The following RAB31 variants were observed in gnomAD, a reference collection of about 807,000 sequenced individuals.
RAB31 encodes RAB31, member RAS oncogene family.
Under a neutral mutation model 25.6 loss-of-function variants are expected in RAB31, and 21 were observed. The observed-to-expected ratio is 0.82, with a 90% confidence interval of 0.58 to 1.18. The LOEUF is 1.18. Ranked by LOEUF, RAB31 falls within the 50% of genes most tolerant of loss-of-function variation. RAB31 has a pLI of 0.00. For synonymous variants in RAB31, 87 were observed against 84.0 expected, an observed-to-expected ratio of 1.04 and a Z score of -0.20; for missense variants, 196 against 250.1, an observed-to-expected ratio of 0.78 and a Z score of 1.46.
At chr18:9,845,061 G>T (rs1338916274) in intron 5 of RAB31, among the ~76,000 whole-genome samples, 1 of 152,122 alleles carries the variant, frequency 6.6e-6, no homozygotes, top group East Asian at 1.9e-4. Flanking sequence ...TCCTTTTACA[G>T]ATGAAAGTCC....
chr18:9,786,999 T>G (rs952357464), intron 2 of RAB31: 6 of 162,846 alleles, frequency 3.7e-5, no homozygotes, highest in Non-Finnish European at 8.4e-5. Context: ...ACCAACATGA[T>G]AGAAGGGATG....
chr18:9,749,011 C>A lies in RAB31; in HGVS notation c.40-26267C>A, dbSNP rs540886496. Among the ~76,000 whole-genome samples the A allele has an allele frequency of 1.1e-3, 167 of 152,254 alleles. 1 individual carries two copies. The highest frequency in any genetic ancestry group is 3.5e-3 in the South Asian group (17 of 4,822). ...CTACTTAGTACAGTTGCTGTTAATGCATTCTTGTGATTTCTGTTTGTTTTC... is the reference window on the plus strand; with the variant it reads ...CTACTTAGTACAGTTGCTGTTAATGAATTCTTGTGATTTCTGTTTGTTTTC... On this transcript the variant is annotated intron_variant, in intron 1 of 6. Coordinates refer to ENST00000578921, the MANE Select transcript of RAB31 (RefSeq NM_006868.4).
intron 1 of RAB31, among the ~76,000 whole-genome samples, chr18:9,758,330 AC>A (rs1445849215): frequency 6.6e-6 from 1 of 152,042 alleles, no homozygotes; most frequent in Non-Finnish European, 1.5e-5. Context: ...CCCTCCATCC[AC>A]ATGTTCATGG....
chr18:9,764,742 G>C (rs750141775), intron 1 of RAB31, among the ~76,000 whole-genome samples: 7 of 151,922 alleles, frequency 4.6e-5, no homozygotes, highest in Non-Finnish European at 8.8e-5. Context: ...TCTGTATGTG[G>C]GCTTCTGATT....
intron 1 of RAB31, among the ~76,000 whole-genome samples, chr18:9,712,844 A>G (rs145857520): frequency 6.6e-6 from 1 of 152,366 alleles, no homozygotes; most frequent in East Asian, 1.9e-4. Context: ...CCACTTCCTC[A>G]ATAGCTGAGT....
At chr18:9,837,927 G>T (rs553264695) in intron 5 of RAB31, among the ~76,000 whole-genome samples, 1 of 152,236 alleles carries the variant, frequency 6.6e-6, no homozygotes, top group Admixed American at 6.5e-5. Flanking sequence ...GGTTGAGTTG[G>T]ATAACACTAC....
At chr18:9,779,787 A>G (rs2068392604) in intron 2 of RAB31, among the ~76,000 whole-genome samples, 2 of 152,226 alleles carry the variant, frequency 1.3e-5, no homozygotes, top group Non-Finnish European at 1.5e-5. Context: ...AGGGACCTCA[A>G]TAGAAGCAGG....
Position 9,859,325 on chromosome 18 carries a change from AC to A in RAB31, c.*3del. On this transcript the variant is annotated 3_prime_UTR_variant, in exon 7 of 7. Coordinates refer to ENST00000578921, the MANE Select transcript of RAB31 (RefSeq NM_006868.4). ...TGCAAGCCAGCCGCCGGTGCTGTTG[AC>A]CCAAGGGCCGTGGTCCACGGTACTT... 6.2e-7 allele frequency: 1 copy of A among 1,609,156 alleles called. No individual in the cohort carries two copies. The highest frequency in any genetic ancestry group is 8.5e-7 in the Non-Finnish European group (1 of 1,175,652).
At chr18:9,765,884 G>T (rs563618825) in intron 1 of RAB31, among the ~76,000 whole-genome samples, 2 of 151,798 alleles carry the variant, frequency 1.3e-5, no homozygotes, top group African/African-American at 4.8e-5. Context: ...GACTCTTGTT[G>T]GGTATATAGG....
chr18:9,764,590 G>A (rs959467591), intron 1 of RAB31, among the ~76,000 whole-genome samples: 5 of 152,136 alleles, frequency 3.3e-5, no homozygotes, highest in South Asian at 2.1e-4. Context: ...ATGGGTACAC[G>A]GGCTCCCATT....
chr18:9,792,781 T>C (rs1202554423), intron 3 of RAB31, among the ~76,000 whole-genome samples: 2 of 152,188 alleles, frequency 1.3e-5, no homozygotes, highest in Non-Finnish European at 2.9e-5. Flanking sequence ...GGCAGTACAC[T>C]GACCCCTAGA....
At position 9,842,795 on chromosome 18, in the gene RAB31, C is replaced by T. The variant is rs541810381; in HGVS notation, c.381-2787C>T. Among the ~76,000 whole-genome samples the T allele has an allele frequency of 5.9e-5, 9 of 152,320 alleles. No individual in the cohort carries two copies. In the South Asian group the frequency reaches 1.5e-3, roughly 25 times the overall value. On this transcript the variant is annotated intron_variant, in intron 5 of 6. Coordinates refer to ENST00000578921, the MANE Select transcript of RAB31 (RefSeq NM_006868.4). The stretch of plus-strand genomic sequence containing the variant: ...TGTAGGAGTGAGGTGGACAGAGTCA[C>T]GGGTTTGGGTTAAGCCCTGTCTCAC...
At chr18:9,839,215 G>A (rs142900115) in intron 5 of RAB31, among the ~76,000 whole-genome samples, 36 of 152,298 alleles carry the variant, frequency 2.4e-4, no homozygotes, top group African/African-American at 8.4e-4. Flanking sequence ...CTAGGAGGCC[G>A]TGTGAGATGT....
intron 5 of RAB31, among the ~76,000 whole-genome samples, chr18:9,826,284 G>A (rs1198132701): frequency 6.6e-6 from 1 of 152,096 alleles, no homozygotes; most frequent in South Asian, 2.1e-4. Context: ...GCTGACACAT[G>A]AGAATTGCTT....
In RAB31 at chr18:9,859,589, T is replaced by TAAA. The variant is rs60755218; in HGVS notation, c.*277_*279dup. 8.0e-4 allele frequency: 166 copies of TAAA among 207,638 alleles called. No homozygotes were observed. Among genetic ancestry groups the TAAA allele is most frequent in the East Asian group, 1.5e-3 (14 of 9,340 alleles). The allele number at this position is 207,638 out of a possible 1,614,324, so 12.9% of individuals were successfully genotyped here. A position where few individuals can be genotyped will look rare whatever the true frequency, so the allele number is the denominator to read the frequency against. The stretch of plus-strand genomic sequence containing the variant: ...GGAGGGGATGTAGTTGCATTTTTGC[T>TAAA]AAAAAAAAAAAAAAACCTTTAAAAA... On this transcript the variant is annotated 3_prime_UTR_variant, in exon 7 of 7. Transcript: ENST00000578921.
rs530761373 is a variant in RAB31 at position 9,718,430 on chromosome 18, T to G, written c.39+9986T>G. On this transcript the variant is annotated intron_variant, in intron 1 of 6. Transcript: ENST00000578921. ...ATGCGCCACCATGCCTGGCTAATTT[T>G]GTATTTTTAGTAGAGATGGGGTTTC... Among the ~76,000 whole-genome samples the G allele has an allele frequency of 3.3e-5, 5 of 152,072 alleles. No individual in the cohort carries two copies. In the South Asian group the frequency reaches 8.3e-4, roughly 25 times the overall value.
chr18:9,771,631 C>T (rs1375558614), intron 1 of RAB31, among the ~76,000 whole-genome samples: 1 of 152,180 alleles, frequency 6.6e-6, no homozygotes, highest in Non-Finnish European at 1.5e-5. Flanking sequence ...AGCCTGGCTC[C>T]TGGCCTGTCC....
chr18:9,779,505 A>G (rs960028488), intron 2 of RAB31, among the ~76,000 whole-genome samples: 1 of 152,198 alleles, frequency 6.6e-6, no homozygotes, highest in African/African-American at 2.4e-5. Context: ...ATTCTTTTTC[A>G]CTGCTGGTTG....
Position 9,771,341 on chromosome 18 carries a change from G to A in RAB31, c.40-3937G>A, listed in dbSNP as rs73940024. On this transcript the variant is annotated intron_variant, in intron 1 of 6. Transcript: ENST00000578921. ...CCTCTTTACCAAAACGAGGGGACTGGACAAGACGGCCTGTGGTATTCTCAG... is the reference window on the plus strand; with the variant it reads ...CCTCTTTACCAAAACGAGGGGACTGAACAAGACGGCCTGTGGTATTCTCAG... Among the ~76,000 whole-genome samples the A allele has an allele frequency of 2.6e-3, 390 of 152,250 alleles. 2 individuals carry two copies. The highest frequency in any genetic ancestry group is 9.0e-3 in the African/African-American group (374 of 41,548).
Sources: gnomAD v4.1 joint callset for allele counts (sites outside exome capture counted in the v4.1 genomes callset) on GRCh38, gnomAD v4.1.1 for gene constraint, MANE v1.5 for transcripts, NCBI Gene and HGNC (gene_info 2026-07-23, HGNC 2026-07-21) for gene names.